NKTR: variants seen among roughly 807,000 people sequenced by gnomAD.
The protein encoded by NKTR is NK-tumor recognition protein.
NKTR carries 67 observed loss-of-function variants against 156.3 expected under a neutral mutation model. That is an observed-to-expected ratio of 0.43 (90% CI 0.35 to 0.53). The LOEUF is 0.53. NKTR is among the 20% of genes least tolerant of loss of function. NKTR has a pLI of 0.01. For missense variants in NKTR, 1,604 were observed against 1,730.9 expected (o/e 0.93, Z 1.30); for synonymous variants, 640 against 596.6 (o/e 1.07, Z -1.06).
chr3:42,610,491 C>CT (rs990457695), intron 2 of NKTR, among the ~76,000 whole-genome samples: 14 of 151,446 alleles, frequency 9.2e-5, no homozygotes, highest in South Asian at 2.1e-4. Flanking sequence ...TGTTGAATTT[C>CT]TTTTTTTTAA....
chr3:42,621,336 G>T, intron 5 of NKTR, 93 bp from the exon 6 acceptor site: 2 of 1,480,302 alleles, frequency 1.4e-6, no homozygotes, highest in African/African-American at 1.4e-5. Flanking sequence ...ACCAGAAGAG[G>T]AATTTCATCT....
Position 42,648,118 on chromosome 3 carries a change from C to T in NKTR, c.*2143C>T, listed in dbSNP as rs1342735055. ...CTCCAGCTTCAAACCAGCCTTCCTGCTCTTTCTCATGCTTCATATCTCTCT... is the reference window on the plus strand; with the variant it reads ...CTCCAGCTTCAAACCAGCCTTCCTGTTCTTTCTCATGCTTCATATCTCTCT... On this transcript the variant is annotated 3_prime_UTR_variant, in exon 17 of 17. Coordinates refer to ENST00000232978, the MANE Select transcript of NKTR (RefSeq NM_005385.4). The T allele has an allele frequency of 2.0e-5, 3 of 152,244 alleles. No homozygotes were observed. The East Asian group carries it at 5.8e-4, about 29-fold the overall frequency. 9.4% of individuals were successfully genotyped at this position (152,244 alleles called of 1,614,324 possible). A position where few individuals can be genotyped will look rare whatever the true frequency, so the allele number is the denominator to read the frequency against.
In NKTR at chr3:42,603,402, A is replaced by G. The variant is rs554966123; in HGVS notation, c.58+2338A>G. Reference sequence around the variant, plus strand: ...AAAAAAAAACAGCTTAAGAAAAAGTACAAATAAAAATTTCTGTAGTTAAGT... The same window carrying G: ...AAAAAAAAACAGCTTAAGAAAAAGTGCAAATAAAAATTTCTGTAGTTAAGT... On this transcript the variant is annotated intron_variant, in intron 2 of 16. Coordinates refer to ENST00000232978, the MANE Select transcript of NKTR (RefSeq NM_005385.4). 3.3e-5 allele frequency among the ~76,000 whole-genome samples: 5 copies of G among 151,772 alleles called. No homozygotes were observed. In the South Asian group the frequency reaches 1.0e-3, roughly 32 times the overall value.
intron 6 of NKTR, chr3:42,630,300 A>G: frequency 8.0e-7 from 1 of 1,257,568 alleles, no homozygotes; most frequent in Non-Finnish European, 1.0e-6. Context: ...TTTCATATGT[A>G]TGCATACATA....
At chr3:42,643,829 A>G in intron 15 of NKTR, 73 bp from the exon 16 acceptor site, 1 of 1,047,960 alleles carries the variant, frequency 9.5e-7, no homozygotes, top group Middle Eastern at 2.0e-4. Flanking sequence ...CACTCCTGAG[A>G]TCCTAAAAAG....
At chr3:42,611,401 A>G (rs559966528) in intron 2 of NKTR, among the ~76,000 whole-genome samples, 18 of 152,208 alleles carry the variant, frequency 1.2e-4, no homozygotes, top group African/African-American at 4.3e-4. Context: ...AGCTTGAAAG[A>G]TGTAAAATAT....
intron 4 of NKTR, 139 bp downstream of exon 4, chr3:42,619,266 T>G (rs1334645038): frequency 6.8e-7 from 1 of 1,469,390 alleles, no homozygotes. Context: ...GATGAGTGAA[T>G]ATTATAGGTC....
intron 6 of NKTR, among the ~76,000 whole-genome samples, chr3:42,624,974 G>A (rs1006062948): frequency 1.2e-4 from 19 of 152,120 alleles, no homozygotes; most frequent in African/African-American, 4.6e-4. Flanking sequence ...TAGCTGTCAG[G>A]AAACCTTGAT....
intron 9 of NKTR, chr3:42,633,330 C>T (rs941967828): frequency 2.4e-6 from 3 of 1,247,304 alleles, no homozygotes; most frequent in Non-Finnish European, 3.0e-6. Context: ...GTGTGAGCCA[C>T]AATGCCTGGC....
At chr3:42,619,192 T>C in intron 4 of NKTR, 65 bp downstream of exon 4, 1 of 1,568,588 alleles carries the variant, frequency 6.4e-7, no homozygotes. Context: ...TCATTATTAC[T>C]TTTAGTTCTA....
chr3:42,629,145 C>A, intron 6 of NKTR: 1 of 982,366 alleles, frequency 1.0e-6, no homozygotes, highest in Non-Finnish European at 1.2e-6. Context: ...AAGTTACCAT[C>A]CAAGGTGGTT....
chr3:42,646,184 G>A lies in NKTR; in HGVS notation c.*209G>A, dbSNP rs1301822608. Reference sequence around the variant, plus strand: ...AAATATTTTTATGCCACATTTTACAGTAGCCAACTATGGAAATGAATTTCA... The same window carrying A: ...AAATATTTTTATGCCACATTTTACAATAGCCAACTATGGAAATGAATTTCA... On this transcript the variant is annotated 3_prime_UTR_variant, in exon 17 of 17. Transcript: ENST00000232978. 7.4e-6 allele frequency: 3 copies of A among 407,680 alleles called. No homozygotes were observed. Among genetic ancestry groups the A allele is most frequent in the Non-Finnish European group, 1.4e-5 (3 of 220,260 alleles). 25.3% of individuals were successfully genotyped at this position (407,680 alleles called of 1,614,324 possible).
intron 2 of NKTR, among the ~76,000 whole-genome samples, chr3:42,610,331 G>A (rs1036380284): frequency 1.3e-5 from 2 of 152,018 alleles, no homozygotes; most frequent in African/African-American, 2.4e-5. Context: ...TTCTGAAAGA[G>A]CATTAAACAG....
chr3:42,639,793 G>C, intron 13 of NKTR, 43 bp downstream of exon 13: 2 of 1,323,480 alleles, frequency 1.5e-6, no homozygotes, highest in Non-Finnish European at 2.1e-6. Context: ...AGGAGAGTCT[G>C]TTATTGTTTA....
At position 42,634,707 on chromosome 3, in the gene NKTR, G is replaced by A; in HGVS notation, c.1017+7G>A. The A allele has an allele frequency of 1.3e-6, 2 of 1,513,736 alleles. No homozygotes were observed. Among genetic ancestry groups the A allele is most frequent in the African/African-American group, 1.4e-5 (1 of 71,996 alleles). The allele number at this position is 1,513,736 out of a possible 1,614,324, so 93.8% of individuals were successfully genotyped here. A position where few individuals can be genotyped will look rare whatever the true frequency, so the allele number is the denominator to read the frequency against. On this transcript the variant is annotated splice_region_variant and intron_variant, in intron 11 of 16. Coordinates refer to ENST00000232978, the MANE Select transcript of NKTR (RefSeq NM_005385.4). The stretch of plus-strand genomic sequence containing the variant: ...TAAAGGAAGGGGCACAATTGTATGT[G>A]TGATAAGACTTTTTTTGATATTATG...
chr3:42,635,655 C>A (rs1709329643), intron 12 of NKTR, among the ~76,000 whole-genome samples: 1 of 151,750 alleles, frequency 6.6e-6, no homozygotes, highest in South Asian at 2.1e-4. Flanking sequence ...CGTGGTGGCT[C>A]ACGCTTGTCA....
chr3:42,630,985 T>C (rs1470369371), intron 7 of NKTR, 186 bp from the exon 8 acceptor site: 1 of 1,415,240 alleles, frequency 7.1e-7, no homozygotes, highest in Admixed American at 3.1e-5. Flanking sequence ...AGGCCCAGTT[T>C]GCATAATCGT....
chr3:42,612,229 A>G (rs780580933), intron 2 of NKTR: 1 of 152,108 alleles, frequency 6.6e-6, no homozygotes, highest in Non-Finnish European at 1.5e-5. Flanking sequence ...AGAATTTATC[A>G]ATATTTGCTT....
intron 9 of NKTR, 172 bp from the exon 10 acceptor site, chr3:42,633,408 T>C: frequency 1.5e-6 from 2 of 1,374,876 alleles, no homozygotes; most frequent in Non-Finnish European, 1.9e-6. Context: ...TTCTAGTCTT[T>C]GGGTTTTTCA....
Sources: allele counts gnomAD v4.1 joint callset (sites outside exome capture counted in the v4.1 genomes callset), GRCh38; gene constraint gnomAD v4.1.1; transcripts MANE v1.5; gene names NCBI Gene and HGNC (gene_info 2026-07-23, HGNC 2026-07-21).